MTFR1: variants seen among roughly 807,000 people sequenced by gnomAD.
MTFR1 encodes the protein mitochondrial fission regulator 1.
MTFR1 carries 28 observed loss-of-function variants against 38.8 expected under a neutral mutation model. The ratio of observed to expected loss-of-function variants is 0.72; its 90% CI spans 0.53 to 0.99. The LOEUF is 0.99. Among genes scored for constraint, MTFR1 ranks in the 50% least tolerant of loss-of-function variants. MTFR1 has a pLI of 0.00. For synonymous variants in MTFR1, 145 were observed against 137.0 expected, an observed-to-expected ratio of 1.06 and a Z score of -0.41; for missense variants, 358 against 395.5, an observed-to-expected ratio of 0.91 and a Z score of 0.81.
At chr8:65,724,361 A>C (rs771769587) in intron 3 of MTFR1, 20 of 1,592,026 alleles carry the variant, frequency 1.3e-5, no homozygotes, top group Middle Eastern at 1.7e-4. Flanking sequence ...TCTAGCAAAC[A>C]AAACATTAAT....
intron 2 of MTFR1, among the ~76,000 whole-genome samples, chr8:65,681,015 C>T (rs2129053309): frequency 6.6e-6 from 1 of 151,512 alleles, no homozygotes; most frequent in South Asian, 2.1e-4. Flanking sequence ...CGGGTTCACG[C>T]CATTCTCCTG....
intron 1 of MTFR1, among the ~76,000 whole-genome samples, chr8:65,662,271 T>A (rs1391334183): frequency 6.6e-6 from 1 of 152,088 alleles, no homozygotes; most frequent in Non-Finnish European, 1.5e-5. Flanking sequence ...TTGGTTTTCG[T>A]ATTTTTTTGG....
At chr8:65,690,626 A>G (rs78858448) in intron 3 of MTFR1, among the ~76,000 whole-genome samples, 3,189 of 152,186 alleles carry the variant, frequency 0.021, 112 homozygotes, top group African/African-American at 0.072. Flanking sequence ...GATGTTTTAG[A>G]AGAAAACAGC....
intron 1 of MTFR1, among the ~76,000 whole-genome samples, chr8:65,661,932 C>G (rs916064055): frequency 6.6e-6 from 1 of 152,080 alleles, no homozygotes; most frequent in Non-Finnish European, 1.5e-5. Flanking sequence ...CCACTGTACT[C>G]CAGCCTGGGC....
intron 3 of MTFR1, among the ~76,000 whole-genome samples, chr8:65,723,947 A>T (rs1438434926): frequency 6.6e-6 from 1 of 152,200 alleles, no homozygotes; most frequent in Non-Finnish European, 1.5e-5. Context: ...TTACATGTTC[A>T]TATGGCCCTC....
chr8:65,685,753 A>G (rs1162925397), intron 3 of MTFR1, among the ~76,000 whole-genome samples: 1 of 152,238 alleles, frequency 6.6e-6, no homozygotes, highest in African/African-American at 2.4e-5. Flanking sequence ...TAAAAAGTCA[A>G]TATGCTAATA....
At chr8:65,711,323 C>G (rs993723199), downstream of MTFR1, among the ~76,000 whole-genome samples, 2 of 152,164 alleles carry the variant, frequency 1.3e-5, no homozygotes, top group Non-Finnish European at 2.9e-5. Context: ...ATGTGTCTGT[C>G]TCTCTGGTGA....
chr8:65,722,646 T>C (rs551956932), intron 3 of MTFR1: 2 of 152,360 alleles, frequency 1.3e-5, no homozygotes, highest in African/African-American at 2.4e-5. Flanking sequence ...CCTAGTCAAC[T>C]TTCCTGTGAA....
intron 1 of MTFR1, among the ~76,000 whole-genome samples, chr8:65,661,657 ACT>A (rs1437127235): frequency 6.6e-6 from 1 of 151,418 alleles, no homozygotes; most frequent in Non-Finnish European, 1.5e-5. Context: ...ACATAAATAA[ACT>A]CTGTTTTTAA....
In MTFR1 at chr8:65,688,354, C is replaced by G. The variant is rs1282026132; in HGVS notation, c.166-5290C>G. Among the ~76,000 whole-genome samples the G allele has an allele frequency of 2.1e-5, 3 of 145,826 alleles. No homozygotes were observed. The East Asian group carries it at 6.4e-4, about 31-fold the overall frequency. ...GGCTGAGGTTGCAGTGAGCCGAGAT[C>G]ACACCACTGCACTCCAGCCTGGGTG... On this transcript the variant is annotated intron_variant, in intron 3 of 7. Coordinates refer to ENST00000262146, the MANE Select transcript of MTFR1 (RefSeq NM_014637.4).
intron 1 of MTFR1, among the ~76,000 whole-genome samples, chr8:65,664,616 T>G (rs558989255): frequency 7.1e-4 from 108 of 151,352 alleles, no homozygotes; most frequent in East Asian, 4.2e-3. Flanking sequence ...CTTTGTTTTT[T>G]TTTTTTTTTT....
In MTFR1 at chr8:65,755,307, C is replaced by T. The variant is rs184210358; in HGVS notation, c.*49-15640C>T. 5.5e-3 allele frequency among the ~76,000 whole-genome samples: 839 copies of T among 152,256 alleles called. 5 individuals are homozygous for T. Among genetic ancestry groups the T allele is most frequent in the Non-Finnish European group, 9.7e-3 (660 of 68,014 alleles). On this transcript the variant is annotated intron_variant, in intron 3 of 3. Coordinates refer to the MTFR1 transcript ENST00000521247. The stretch of plus-strand genomic sequence containing the variant: ...AAGTGCTGGGATTACAGGCATGAGC[C>T]ATCATGCCCGGCCCATTATTGCCTT...
chr8:65,694,767 A>C (rs1193865047), intron 4 of MTFR1, among the ~76,000 whole-genome samples: 1 of 152,216 alleles, frequency 6.6e-6, no homozygotes, highest in Non-Finnish European at 1.5e-5. Context: ...GTTCAGCAAG[A>C]CTTCTCAGGA....
downstream of MTFR1, among the ~76,000 whole-genome samples, chr8:65,775,236 TAC>T (rs904352666): frequency 2.6e-5 from 4 of 152,220 alleles, no homozygotes; most frequent in Admixed American, 2.6e-4. Flanking sequence ...AGCTCTTAGT[TAC>T]AGAGTTCTAC....
chr8:65,748,272 G>A (rs900715123), intron 3 of MTFR1, among the ~76,000 whole-genome samples: 4 of 152,164 alleles, frequency 2.6e-5, no homozygotes, highest in African/African-American at 7.2e-5. Flanking sequence ...ATATCCCAAT[G>A]AGGTATCATT....
intron 3 of MTFR1, among the ~76,000 whole-genome samples, chr8:65,749,592 A>C (rs1807840937): frequency 6.6e-6 from 1 of 152,250 alleles, no homozygotes; most frequent in African/African-American, 2.4e-5. Flanking sequence ...TGGGTAGATT[A>C]AATTCTATGA....
At chr8:65,752,005 C>T (rs1265477025) in intron 3 of MTFR1, among the ~76,000 whole-genome samples, 2 of 152,228 alleles carry the variant, frequency 1.3e-5, no homozygotes, top group Middle Eastern at 3.4e-3. Context: ...TTTAGCCAGT[C>T]CTCTACTGAA....
At chr8:65,759,914 C>T (rs1182671098) in intron 3 of MTFR1, among the ~76,000 whole-genome samples, 1 of 151,966 alleles carries the variant, frequency 6.6e-6, no homozygotes, top group African/African-American at 2.4e-5. Flanking sequence ...ATTTTTCTTT[C>T]ATCTAAGAAA....
chr8:65,656,240 T>C (rs954808527), intron 1 of MTFR1, among the ~76,000 whole-genome samples: 1 of 151,618 alleles, frequency 6.6e-6, no homozygotes, highest in Admixed American at 6.6e-5. Flanking sequence ...TCATCTACTG[T>C]CCCTGTATCA....
Sources: allele counts gnomAD v4.1 joint callset (sites outside exome capture counted in the v4.1 genomes callset), GRCh38; gene constraint gnomAD v4.1.1; transcripts MANE v1.5; gene names NCBI Gene and HGNC (gene_info 2026-07-23, HGNC 2026-07-21).